ADAMTS19: variants seen among roughly 807,000 people sequenced by gnomAD.
ADAMTS19 encodes A disintegrin and metalloproteinase with thrombospondin motifs 19.
ADAMTS19 carries 93 observed loss-of-function variants against 153.3 expected under a neutral mutation model. The observed-to-expected ratio is 0.61, with a 90% CI of 0.51 to 0.72. The LOEUF is 0.72. Among genes scored for constraint, ADAMTS19 ranks in the 30% least tolerant of loss-of-function variants. The pLI is 0.00. For synonymous variants in ADAMTS19, 600 were observed against 556.6 expected, an observed-to-expected ratio of 1.08 and a Z score of -1.10; for missense variants, 1,482 against 1,552.1, an observed-to-expected ratio of 0.95 and a Z score of 0.76.
intron 7 of ADAMTS19, among the ~76,000 whole-genome samples, chr5:129,561,209 C>G (rs975204684): frequency 6.6e-6 from 1 of 152,022 alleles, no homozygotes; most frequent in Admixed American, 6.6e-5. Flanking sequence ...TGTTTGGGTT[C>G]TAGAAGACAG....
chr5:129,668,835 A>C (rs1754170402), intron 16 of ADAMTS19, among the ~76,000 whole-genome samples: 1 of 152,180 alleles, frequency 6.6e-6, no homozygotes, highest in Admixed American at 6.6e-5. Context: ...AGTGGCATTA[A>C]GTACATTTAC....
At chr5:129,577,636 T>G (rs1188116502) in intron 7 of ADAMTS19, among the ~76,000 whole-genome samples, 1 of 152,094 alleles carries the variant, frequency 6.6e-6, no homozygotes, top group African/African-American at 2.4e-5. Flanking sequence ...GGTCCTAAGA[T>G]GTAACGATGC....
intron 21 of ADAMTS19, among the ~76,000 whole-genome samples, chr5:129,722,298 T>G (rs941941480): frequency 6.6e-6 from 1 of 152,210 alleles, no homozygotes; most frequent in African/African-American, 2.4e-5. Context: ...CCATTCTGAC[T>G]GGTGTGAGAT....
chr5:129,590,527 T>C (rs911383870), intron 7 of ADAMTS19, among the ~76,000 whole-genome samples: 1 of 152,202 alleles, frequency 6.6e-6, no homozygotes, highest in Non-Finnish European at 1.5e-5. Context: ...TTAGTATTCA[T>C]AAAAACTGCA....
chr5:129,660,446 T>A (rs1753773365), intron 15 of ADAMTS19, among the ~76,000 whole-genome samples: 1 of 151,700 alleles, frequency 6.6e-6, no homozygotes, highest in Non-Finnish European at 1.5e-5. Context: ...CATATTAGAG[T>A]TTTTAAAGAA....
intron 10 of ADAMTS19, among the ~76,000 whole-genome samples, chr5:129,634,123 C>A (rs888757410): frequency 6.6e-6 from 1 of 152,156 alleles, no homozygotes; most frequent in Admixed American, 6.6e-5. Flanking sequence ...GATGAACTAA[C>A]CTTGTGCCAG....
At chr5:129,600,145 C>G (rs1429169713) in intron 8 of ADAMTS19, among the ~76,000 whole-genome samples, 1 of 152,232 alleles carries the variant, frequency 6.6e-6, no homozygotes, top group African/African-American at 2.4e-5. Context: ...CTCATAGTCT[C>G]TCTAGTAGGG....
At chr5:129,679,946 T>G (rs773095216) in intron 17 of ADAMTS19, 25 bp downstream of exon 17, 4 of 1,596,052 alleles carry the variant, frequency 2.5e-6, no homozygotes, top group Non-Finnish European at 3.4e-6. Context: ...ATTGATAACA[T>G]GGCATAATCA....
intron 10 of ADAMTS19, among the ~76,000 whole-genome samples, chr5:129,635,077 A>G (rs1752476428): frequency 6.6e-6 from 1 of 152,170 alleles, no homozygotes; most frequent in Non-Finnish European, 1.5e-5. Flanking sequence ...TTACAAGCAA[A>G]AAACAAGCAA....
chr5:129,724,398 C>A (rs1439371540), intron 21 of ADAMTS19, among the ~76,000 whole-genome samples: 1 of 152,114 alleles, frequency 6.6e-6, no homozygotes, highest in African/African-American at 2.4e-5. Context: ...AGGGTATAAT[C>A]AGGTGTGTTC....
chr5:129,664,512 G>T (rs985880609), intron 15 of ADAMTS19, among the ~76,000 whole-genome samples: 13 of 152,100 alleles, frequency 8.5e-5, no homozygotes, highest in African/African-American at 2.9e-4. Context: ...GATTCTAAAA[G>T]CACATGCCAC....
chr5:129,590,749 T>G (rs1241871116), intron 7 of ADAMTS19, among the ~76,000 whole-genome samples: 2 of 152,210 alleles, frequency 1.3e-5, no homozygotes, highest in Non-Finnish European at 2.9e-5. Flanking sequence ...GAAAAATATG[T>G]TCAAAGCCCA....
chr5:129,612,462 A>T (rs1751279238), intron 8 of ADAMTS19, among the ~76,000 whole-genome samples: 2 of 152,146 alleles, frequency 1.3e-5, no homozygotes, highest in Admixed American at 6.6e-5. Flanking sequence ...TGAAGGAGAA[A>T]TAAAATACTT....
rs144498646 is a variant in ADAMTS19 at position 129,521,294 on chromosome 5, G to A, written c.914-4990G>A. On this transcript the variant is annotated intron_variant, in intron 3 of 22. Transcript: ENST00000274487. ...GAGAGCACAGAGTATACATCTAGGT[G>A]TACCTTTAAACCCATGTAAGTGTGC... 4.8e-3 allele frequency among the ~76,000 whole-genome samples: 728 copies of A among 152,042 alleles called. 3 individuals carry two copies. Among genetic ancestry groups the A allele is most frequent in the Non-Finnish European group, 6.8e-3 (460 of 67,980 alleles).
Position 129,701,435 on chromosome 5 carries a change from G to T in ADAMTS19, c.3002G>T (p.Gly1001Val). 1 of 1,614,208 alleles carries T rather than the reference G, an allele frequency of 6.2e-7. No homozygotes were observed. The highest frequency in any genetic ancestry group is 8.5e-7 in the Non-Finnish European group (1 of 1,180,042). ...CCTTGTTCACGAACTTGTGGAAAAG[G>T]AATGCAGAGCAGACAAGTGGCCTGT... The part of the protein sequence containing the change: ...WTPCSRTCGK[G>V]MQSRQVACTQ... Residue 1001 changes from glycine (G) to valine (V), a missense_variant, in exon 20 of 23, where the codon GGA (glycine) becomes GTA (valine). Gly to Val is a moderately radical substitution (Grantham distance 109). Around this residue, in one of 2 missense-constraint regions of ADAMTS19, gnomAD observed 616 missense variants for 724.4 expected, o/e 0.85. Transcript: ENST00000274487.
intron 7 of ADAMTS19, among the ~76,000 whole-genome samples, chr5:129,592,084 T>TA (rs1421073549): frequency 4.0e-5 from 6 of 151,864 alleles, no homozygotes; most frequent in South Asian, 2.1e-4. Context: ...CTTTTTGTAT[T>TA]AAAAAAAATT....
intron 6 of ADAMTS19, among the ~76,000 whole-genome samples, chr5:129,551,527 T>C (rs1418272489): frequency 6.6e-6 from 1 of 150,676 alleles, no homozygotes; most frequent in Admixed American, 6.6e-5. Context: ...TTCCAGTAAT[T>C]TTTCAAATGG....
chr5:129,611,256 G>A (rs1214325599), intron 8 of ADAMTS19, among the ~76,000 whole-genome samples: 1 of 152,030 alleles, frequency 6.6e-6, no homozygotes, highest in Non-Finnish European at 1.5e-5. Flanking sequence ...CACTCTGATG[G>A]TAGTTTCTTT....
At chr5:129,699,316 G>T (rs949679863) in intron 19 of ADAMTS19, among the ~76,000 whole-genome samples, 2 of 151,918 alleles carry the variant, frequency 1.3e-5, no homozygotes. Context: ...CCAGCTACTT[G>T]GGAGGCTGAG....
Sources: gnomAD v4.1 joint callset for allele counts (sites outside exome capture counted in the v4.1 genomes callset) on GRCh38, gnomAD v4.1.1 for gene constraint, gnomAD v4.1.1 regional missense constraint, MANE v1.5 for transcripts, NCBI Gene and HGNC (gene_info 2026-07-23, HGNC 2026-07-21) for gene names.